Variants in PTPRD observed in about 807,000 individuals in gnomAD.
The protein encoded by PTPRD is receptor-type tyrosine-protein phosphatase delta.
A neutral mutation model predicts 214.5 loss-of-function variants in PTPRD; 34 were observed. The observed-to-expected ratio is 0.16, with a 90% confidence interval of 0.12 to 0.21. The LOEUF is 0.21. Ranked by LOEUF, PTPRD falls within the 10% of genes least tolerant of loss-of-function variation. The pLI, the probability that PTPRD is intolerant of heterozygous loss-of-function variation, is 1.00. For synonymous variants in PTPRD, 1,128 were observed against 845.7 expected (o/e 1.33, Z -5.79); for missense variants, 2,545 against 2,398.7 (o/e 1.06, Z -1.27).
intron 7 of PTPRD, among the ~76,000 whole-genome samples, chr9:9,597,553 A>G (rs1304499339): frequency 6.6e-6 from 1 of 152,062 alleles, no homozygotes; most frequent in Non-Finnish European, 1.5e-5. Flanking sequence ...TTCAAGAGGA[A>G]AAGTACCGTA....
intron 14 of PTPRD, among the ~76,000 whole-genome samples, chr9:8,588,468 G>A (rs1391169263): frequency 6.6e-6 from 1 of 152,150 alleles, no homozygotes; most frequent in Non-Finnish European, 1.5e-5. Flanking sequence ...GATAGGGAAT[G>A]AACTGTTTTT....
At chr9:9,794,260 A>G (rs140880992) in intron 5 of PTPRD, among the ~76,000 whole-genome samples, 1 of 151,932 alleles carries the variant, frequency 6.6e-6, no homozygotes, top group African/African-American at 2.4e-5. Context: ...CAAAAAGTAC[A>G]AATTACAGTC....
At chr9:8,630,371 T>C (rs1446614607) in intron 14 of PTPRD, among the ~76,000 whole-genome samples, 1 of 151,830 alleles carries the variant, frequency 6.6e-6, no homozygotes, top group Non-Finnish European at 1.5e-5. Context: ...TCAAAGTCTA[T>C]GAATGTCAGT....
intron 14 of PTPRD, among the ~76,000 whole-genome samples, chr9:8,566,306 G>A (rs576469343): frequency 4.6e-5 from 7 of 152,114 alleles, no homozygotes; most frequent in South Asian, 2.1e-4. Context: ...TTGCTGTTTC[G>A]AAATCTGTAC....
At chr9:10,102,077 T>A (rs1454890783) in intron 3 of PTPRD, among the ~76,000 whole-genome samples, 1 of 151,788 alleles carries the variant, frequency 6.6e-6, no homozygotes, top group African/African-American at 2.4e-5. Context: ...TTTTTACCCA[T>A]TTTGTTTTAA....
At chr9:10,236,414 T>C (rs542724275) in intron 3 of PTPRD, among the ~76,000 whole-genome samples, 155 of 151,970 alleles carry the variant, frequency 1.0e-3, no homozygotes, top group Non-Finnish European at 1.9e-3. Context: ...CAGGAATGCT[T>C]GGAAGATAAT....
intron 4 of PTPRD, among the ~76,000 whole-genome samples, chr9:9,988,439 A>C (rs2095798026): frequency 6.6e-6 from 1 of 152,134 alleles, no homozygotes; most frequent in Admixed American, 6.5e-5. Flanking sequence ...TGCAGCTCAA[A>C]CTGATTTCCT....
intron 4 of PTPRD, among the ~76,000 whole-genome samples, chr9:10,027,844 T>C (rs2096958591): frequency 6.6e-6 from 1 of 152,220 alleles, no homozygotes. Flanking sequence ...CTTACTTTGA[T>C]ATGAATTGCC....
chr9:9,197,475 A>G (rs936117040), intron 9 of PTPRD, among the ~76,000 whole-genome samples: 7 of 136,928 alleles, frequency 5.1e-5, no homozygotes, highest in African/African-American at 2.4e-4. Flanking sequence ...CAATAGCGCA[A>G]TCTTTGCTCA....
At chr9:9,388,752 A>G (rs567407973) in intron 9 of PTPRD, among the ~76,000 whole-genome samples, 2 of 152,348 alleles carry the variant, frequency 1.3e-5, no homozygotes, top group East Asian at 3.9e-4. Flanking sequence ...GTCTAAGGAA[A>G]GTAAGTAGCA....
chr9:10,375,159 T>A (rs1158848425), intron 2 of PTPRD, among the ~76,000 whole-genome samples: 1 of 152,056 alleles, frequency 6.6e-6, no homozygotes, highest in African/African-American at 2.4e-5. Context: ...AACATAGATA[T>A]TTTCAGACCA....
intron 9 of PTPRD, among the ~76,000 whole-genome samples, chr9:9,376,868 G>C (rs1457200696): frequency 1.3e-5 from 2 of 152,046 alleles, no homozygotes; most frequent in Non-Finnish European, 1.5e-5. Context: ...TTAGTATTCA[G>C]TAACTTTCTC....
intron 7 of PTPRD, among the ~76,000 whole-genome samples, chr9:9,648,472 G>C (rs1564298374): frequency 6.6e-6 from 1 of 152,184 alleles, no homozygotes; most frequent in Non-Finnish European, 1.5e-5. Context: ...TTAAAATAAA[G>C]ATTTGATGTT....
chr9:9,427,031 C>T (rs1327075414), intron 8 of PTPRD, among the ~76,000 whole-genome samples: 1 of 152,164 alleles, frequency 6.6e-6, no homozygotes, highest in East Asian at 1.9e-4. Context: ...AGCTCCTCGC[C>T]AGCAATGGAA....
At chr9:9,886,745 C>G (rs887999045) in intron 5 of PTPRD, among the ~76,000 whole-genome samples, 12 of 152,152 alleles carry the variant, frequency 7.9e-5, no homozygotes, top group African/African-American at 2.7e-4. Flanking sequence ...CAGCCTCCAT[C>G]TTGTTTGCTG....
intron 3 of PTPRD, among the ~76,000 whole-genome samples, chr9:10,224,423 T>C (rs2099582001): frequency 6.6e-6 from 1 of 152,042 alleles, no homozygotes; most frequent in South Asian, 2.1e-4. Flanking sequence ...GTTAGTTACA[T>C]ATGCATACAT....
intron 33 of PTPRD, among the ~76,000 whole-genome samples, chr9:8,454,994 A>G (rs1166044560): frequency 6.6e-6 from 1 of 152,246 alleles, no homozygotes; most frequent in Non-Finnish European, 1.5e-5. Context: ...ATACAGCATC[A>G]TTCCATAAAA....
chr9:10,221,604 A>G (rs1297592103), intron 3 of PTPRD, among the ~76,000 whole-genome samples: 1 of 152,042 alleles, frequency 6.6e-6, no homozygotes, highest in Non-Finnish European at 1.5e-5. Flanking sequence ...ATTAAAAATA[A>G]TACTACATAC....
At chr9:9,524,853 G>A (rs899145883) in intron 8 of PTPRD, among the ~76,000 whole-genome samples, 1 of 132,466 alleles carries the variant, frequency 7.5e-6, no homozygotes, top group African/African-American at 3.3e-5. Context: ...TTGCTTGCTT[G>A]TTTGTTTGTT....
Sources: allele counts gnomAD v4.1 joint callset (sites outside exome capture counted in the v4.1 genomes callset), GRCh38; gene constraint gnomAD v4.1.1; transcripts MANE v1.5; gene names NCBI Gene and HGNC (gene_info 2026-07-23, HGNC 2026-07-21).